Variants in SGCZ observed in about 807,000 individuals in gnomAD.
SGCZ encodes zeta-sarcoglycan.
A neutral mutation model predicts 41.3 loss-of-function variants in SGCZ; 40 were observed. That is an observed-to-expected ratio of 0.97 (90% confidence interval 0.75 to 1.26). The LOEUF (loss-of-function observed/expected upper bound fraction) is 1.26, where lower values mean the gene tolerates loss of function less well. Among genes scored for constraint, SGCZ ranks in the 50% most tolerant of loss-of-function variants. The pLI is 0.00. For missense variants in SGCZ, 552 were observed against 369.8 expected, an observed-to-expected ratio of 1.49 and a Z score of -4.04; for synonymous variants, 206 against 137.5, an observed-to-expected ratio of 1.50 and a Z score of -3.49.
chr8:15,217,955 GTGTGCT>G (rs1213194111), intron 1 of SGCZ, among the ~76,000 whole-genome samples: 3 of 152,072 alleles, frequency 2.0e-5, no homozygotes, highest in African/African-American at 7.2e-5. Flanking sequence ...ACGGGGTGGC[GTGTGCT>G]TGTAATCCCA....
intron 1 of SGCZ, among the ~76,000 whole-genome samples, chr8:14,607,504 A>G (rs527271520): frequency 3.3e-5 from 5 of 152,248 alleles, no homozygotes; most frequent in Admixed American, 6.5e-5. Context: ...TTCCCTTCCA[A>G]TATGTTACAT....
intron 2 of SGCZ, among the ~76,000 whole-genome samples, chr8:14,442,531 G>C (rs1800302124): frequency 6.6e-6 from 1 of 152,088 alleles, no homozygotes; most frequent in African/African-American, 2.4e-5. Flanking sequence ...TTTCTTACTT[G>C]ACAGTACCTG....
At chr8:14,673,786 G>C (rs1442903536) in intron 1 of SGCZ, among the ~76,000 whole-genome samples, 3 of 152,114 alleles carry the variant, frequency 2.0e-5, no homozygotes, top group African/African-American at 7.2e-5. Flanking sequence ...AGGACAATCT[G>C]ATGCCCGATG....
At chr8:14,680,964 G>GAAAAAAGAGAGAAA (rs1808424573) in intron 1 of SGCZ, among the ~76,000 whole-genome samples, 1 of 117,938 alleles carries the variant, frequency 8.5e-6, no homozygotes, top group South Asian at 2.8e-4. Flanking sequence ...AAAAGAGTGG[G>GAAAAAAGAGAGAAA]AAAAAAAAAA....
intron 1 of SGCZ, among the ~76,000 whole-genome samples, chr8:14,850,951 T>C (rs996331270): frequency 5.3e-5 from 8 of 152,192 alleles, no homozygotes; most frequent in Non-Finnish European, 1.0e-4. Context: ...ATTAAACCTC[T>C]TTCCTTTATA....
intron 2 of SGCZ, among the ~76,000 whole-genome samples, chr8:14,372,409 C>G (rs912822931): frequency 6.6e-6 from 1 of 152,086 alleles, no homozygotes; most frequent in African/African-American, 2.4e-5. Flanking sequence ...AGATAATCTT[C>G]TATGTTCTCA....
chr8:14,127,925 C>A (rs1227791057), intron 5 of SGCZ, among the ~76,000 whole-genome samples: 2 of 152,138 alleles, frequency 1.3e-5, no homozygotes, highest in African/African-American at 2.4e-5. Flanking sequence ...CTCCCAACCT[C>A]CCCCCGCATC....
intron 1 of SGCZ, among the ~76,000 whole-genome samples, chr8:14,730,081 G>A (rs73529270): frequency 0.068 from 10,297 of 152,116 alleles, 771 homozygotes; most frequent in African/African-American, 0.19. Flanking sequence ...CTGAGACAGC[G>A]TCTCAAAAAA....
chr8:14,704,914 A>T (rs1264272322), intron 1 of SGCZ, among the ~76,000 whole-genome samples: 1 of 152,022 alleles, frequency 6.6e-6, no homozygotes, highest in Admixed American at 6.6e-5. Flanking sequence ...GAATCGATGC[A>T]ACTATCAGTC....
intron 2 of SGCZ, among the ~76,000 whole-genome samples, chr8:14,542,296 C>T (rs1297511151): frequency 1.3e-5 from 2 of 151,938 alleles, no homozygotes. Flanking sequence ...TTATAATCCC[C>T]AAGAAATGCA....
intron 4 of SGCZ, among the ~76,000 whole-genome samples, chr8:14,232,131 T>A (rs1018607440): frequency 2.2e-5 from 1 of 46,446 alleles, no homozygotes; most frequent in African/African-American, 8.6e-5. Flanking sequence ...CAAATCTTCT[T>A]TCATCATATA....
At chr8:14,982,038 T>C (rs1801679268) in intron 1 of SGCZ, among the ~76,000 whole-genome samples, 1 of 151,730 alleles carries the variant, frequency 6.6e-6, no homozygotes, top group Admixed American at 6.6e-5. Flanking sequence ...TAATACCAGC[T>C]ACTCAGGAGG....
chr8:15,152,613 G>A (rs181057171), intron 1 of SGCZ, among the ~76,000 whole-genome samples: 31 of 152,224 alleles, frequency 2.0e-4, no homozygotes, highest in Non-Finnish European at 4.1e-4. Context: ...CAGAAGGCAC[G>A]GCGAGTAGAA....
At chr8:14,290,368 A>G (rs2116942916) in intron 3 of SGCZ, among the ~76,000 whole-genome samples, 1 of 152,230 alleles carries the variant, frequency 6.6e-6, no homozygotes, top group East Asian at 1.9e-4. Flanking sequence ...GCTTCTGCAC[A>G]GCAAGAAAAT....
intron 1 of SGCZ, among the ~76,000 whole-genome samples, chr8:14,850,777 TAGTG>T (rs1477804418): frequency 6.6e-6 from 1 of 152,150 alleles, no homozygotes; most frequent in African/African-American, 2.4e-5. Flanking sequence ...GTTCTCATGA[TAGTG>T]AGTGAGTTCT....
At chr8:14,947,521 G>C (rs1039082456) in intron 1 of SGCZ, among the ~76,000 whole-genome samples, 2 of 152,146 alleles carry the variant, frequency 1.3e-5, no homozygotes, top group Admixed American at 6.5e-5. Context: ...GTGGTGCTGA[G>C]GTAAGGGACA....
At chr8:14,891,542 G>A (rs1261639613) in intron 1 of SGCZ, among the ~76,000 whole-genome samples, 1 of 152,130 alleles carries the variant, frequency 6.6e-6, no homozygotes, top group Non-Finnish European at 1.5e-5. Context: ...TGGTATCTAG[G>A]CATATAATCT....
intron 1 of SGCZ, among the ~76,000 whole-genome samples, chr8:14,828,060 A>G (rs1430656667): frequency 2.6e-5 from 4 of 152,216 alleles, no homozygotes; most frequent in Non-Finnish European, 5.9e-5. Context: ...CTGATCACAC[A>G]TCAGCTTGAA....
At chr8:14,733,741 G>A (rs942490870) in intron 1 of SGCZ, among the ~76,000 whole-genome samples, 1 of 152,152 alleles carries the variant, frequency 6.6e-6, no homozygotes, top group Non-Finnish European at 1.5e-5. Flanking sequence ...TTAAATAACA[G>A]TCATACATTT....
Sources: allele counts gnomAD v4.1 joint callset (sites outside exome capture counted in the v4.1 genomes callset), GRCh38; gene constraint gnomAD v4.1.1; transcripts MANE v1.5; gene names NCBI Gene and HGNC (gene_info 2026-07-23, HGNC 2026-07-21).